Variants in CSMD1 observed in about 807,000 individuals in gnomAD.
CSMD1 encodes the protein CUB and sushi domain-containing protein 1.
A neutral mutation model predicts 417.5 loss-of-function variants in CSMD1; 213 were observed. The ratio of observed to expected loss-of-function variants is 0.51; its 90% CI spans 0.46 to 0.57. The LOEUF is 0.57. CSMD1 is among the 20% of genes least tolerant of loss of function. The pLI is 0.00. For missense variants in CSMD1, 6,923 were observed against 4,529.7 expected (o/e 1.53, Z -15.17); for synonymous variants, 2,862 against 1,736.8 (o/e 1.65, Z -16.11).
intron 3 of CSMD1, among the ~76,000 whole-genome samples, chr8:4,040,030 T>C (rs542933655): frequency 1.3e-5 from 2 of 148,684 alleles, no homozygotes; most frequent in African/African-American, 4.8e-5. Flanking sequence ...TTAAAATTAT[T>C]TTCCCAATTC....
chr8:4,931,485 A>T (rs896115793), intron 1 of CSMD1, among the ~76,000 whole-genome samples: 4 of 152,166 alleles, frequency 2.6e-5, no homozygotes, highest in Non-Finnish European at 2.9e-5. Context: ...GCAATCATGG[A>T]AACACATGTT....
At chr8:4,359,233 C>G (rs1039471866) in intron 3 of CSMD1, among the ~76,000 whole-genome samples, 4 of 152,130 alleles carry the variant, frequency 2.6e-5, no homozygotes, top group South Asian at 2.1e-4. Context: ...AGGGGTGTCC[C>G]TCCTTCTGAG....
At chr8:3,028,311 G>A (rs546196079) in intron 51 of CSMD1, among the ~76,000 whole-genome samples, 2 of 152,276 alleles carry the variant, frequency 1.3e-5, no homozygotes, top group Middle Eastern at 3.4e-3. Context: ...GTGCACGACT[G>A]GCAAGAATGT....
rs891824693 is a variant in CSMD1 at position 2,962,380 on chromosome 8, T to G, written c.9628+86A>C. ...ACTGTCTATGGAAACACTTTCTATG[T>G]AATCACAAATGACCCAATTTCGGAA... is the stretch of plus-strand genomic sequence containing the variant. On this transcript the variant is annotated intron_variant, in intron 61 of 69. Transcript: ENST00000635120. 22 of 1,206,066 alleles carry G rather than the reference T, an allele frequency of 1.8e-5. No individual in the cohort carries two copies. In the South Asian group the frequency reaches 2.2e-4, roughly 12 times the overall value. The allele number at this position is 1,206,066 out of a possible 1,614,324, so 74.7% of individuals were successfully genotyped here.
intron 3 of CSMD1, among the ~76,000 whole-genome samples, chr8:4,154,917 T>C (rs1796753071): frequency 6.6e-6 from 1 of 152,184 alleles, no homozygotes; most frequent in Non-Finnish European, 1.5e-5. Flanking sequence ...TTTTTCTAAA[T>C]TCCAAGTCTA....
intron 3 of CSMD1, among the ~76,000 whole-genome samples, chr8:4,095,169 G>T (rs1031950593): frequency 6.6e-6 from 1 of 152,170 alleles, no homozygotes; most frequent in Non-Finnish European, 1.5e-5. Flanking sequence ...AGTTGTTGGG[G>T]ACGGATAGCC....
intron 5 of CSMD1, among the ~76,000 whole-genome samples, chr8:3,887,381 T>C (rs1231243777): frequency 6.6e-6 from 1 of 152,184 alleles, no homozygotes; most frequent in African/African-American, 2.4e-5. Context: ...TTTCCAGATG[T>C]ATCCAAGAAC....
intron 1 of CSMD1, among the ~76,000 whole-genome samples, chr8:4,920,686 G>C (rs910898684): frequency 6.6e-6 from 1 of 151,796 alleles, no homozygotes; most frequent in African/African-American, 2.4e-5. Context: ...GCCATGCGTG[G>C]GTGGTGCATG....
chr8:4,575,532 G>C (rs777151516), intron 2 of CSMD1, among the ~76,000 whole-genome samples: 1 of 152,142 alleles, frequency 6.6e-6, no homozygotes, highest in African/African-American at 2.4e-5. Context: ...GTGCAGAAGG[G>C]AGAGCACCTC....
At chr8:3,639,235 C>T (rs1797190336) in intron 7 of CSMD1, among the ~76,000 whole-genome samples, 1 of 152,144 alleles carries the variant, frequency 6.6e-6, no homozygotes, top group Non-Finnish European at 1.5e-5. Flanking sequence ...TGGACTAGTC[C>T]ATTGACAATG....
chr8:2,998,223 A>G, intron 53 of CSMD1, 39 bp from the exon 54 acceptor site: 1 of 1,587,834 alleles, frequency 6.3e-7, no homozygotes, highest in Non-Finnish European at 8.6e-7. Context: ...TAAATATTGA[A>G]CAGGTCATCA....
chr8:4,807,701 A>G (rs780940399), intron 1 of CSMD1, among the ~76,000 whole-genome samples: 5 of 151,934 alleles, frequency 3.3e-5, no homozygotes, highest in African/African-American at 7.3e-5. Flanking sequence ...ATGTTTTCTT[A>G]TATGTTAAAC....
rs184399765 is a variant in CSMD1, at chr8:3,872,937, C to G, written c.819-118895G>C. On this transcript the variant is annotated intron_variant, in intron 5 of 69. Transcript: ENST00000635120. ...GAAAATAAGACATACATGTGGCCAACAATCATATGAAAAAAAGCTCAACAT... is the reference window on the plus strand; with the variant it reads ...GAAAATAAGACATACATGTGGCCAAGAATCATATGAAAAAAAGCTCAACAT... 1.5e-4 allele frequency among the ~76,000 whole-genome samples: 22 copies of G among 150,954 alleles called. 1 individual carries two copies. The highest frequency in any genetic ancestry group is 5.1e-4 in the African/African-American group (21 of 41,134).
Position 4,455,929 on chromosome 8 carries a change from C to CAAAAAAAAAAAAA in CSMD1, c.303-35877_303-35865dup, listed in dbSNP as rs71207091. Among the ~76,000 whole-genome samples the CAAAAAAAAAAAAA allele has an allele frequency of 3.4e-3, 40 of 11,638 alleles. 6 individuals carry two copies. The highest frequency in any genetic ancestry group is 6.7e-3 in the South Asian group (1 of 150). 7.6% of individuals were successfully genotyped at this position (11,638 alleles called of 152,430 possible). A position where few individuals can be genotyped will look rare whatever the true frequency, so the allele number is the denominator to read the frequency against. ...GGGTGACAAAGTGAGACTCCAACTC[C>CAAAAAAAAAAAAA]AAAAAAAAAAAAAAAAAAAAAAAAA... On this transcript the variant is annotated intron_variant, in intron 2 of 69. Coordinates refer to ENST00000635120, the MANE Select transcript of CSMD1 (RefSeq NM_033225.6).
intron 3 of CSMD1, among the ~76,000 whole-genome samples, chr8:4,237,596 G>A (rs374819669): frequency 6.6e-6 from 1 of 151,380 alleles, no homozygotes; most frequent in Non-Finnish European, 1.5e-5. Flanking sequence ...GCACAATAGT[G>A]TCATCACAAC....
chr8:3,232,527 A>G (rs1191822841), intron 26 of CSMD1, among the ~76,000 whole-genome samples: 3 of 152,208 alleles, frequency 2.0e-5, no homozygotes, highest in Non-Finnish European at 2.9e-5. Flanking sequence ...TTACCCTTAT[A>G]TAAAATGCTG....
chr8:4,449,587 A>G (rs1799010317), intron 2 of CSMD1, among the ~76,000 whole-genome samples: 1 of 152,180 alleles, frequency 6.6e-6, no homozygotes, highest in South Asian at 2.1e-4. Context: ...CCATTCCCAT[A>G]ATAGAGATAA....
chr8:3,478,877 C>A (rs540070927), intron 11 of CSMD1, among the ~76,000 whole-genome samples: 77 of 152,272 alleles, frequency 5.1e-4, no homozygotes, highest in African/African-American at 1.8e-3. Flanking sequence ...TGGGGAGGCC[C>A]TTCGTCCCAG....
At chr8:4,379,306 G>T (rs954189835) in intron 3 of CSMD1, among the ~76,000 whole-genome samples, 1 of 152,144 alleles carries the variant, frequency 6.6e-6, no homozygotes, top group Non-Finnish European at 1.5e-5. Flanking sequence ...GGTCAAGAAA[G>T]ACAAGGAAAG....
Sources: allele counts gnomAD v4.1 joint callset (sites outside exome capture counted in the v4.1 genomes callset), GRCh38; gene constraint gnomAD v4.1.1; transcripts MANE v1.5; gene names NCBI Gene and HGNC (gene_info 2026-07-23, HGNC 2026-07-21).